CD96: variants seen among roughly 807,000 people sequenced by gnomAD.
The protein encoded by CD96 is T-cell surface protein tactile.
In CD96, 70 loss-of-function variants were observed where a neutral mutation model predicts 71.3. That is an observed-to-expected ratio of 0.98 (90% CI 0.81 to 1.20). The LOEUF (loss-of-function observed/expected upper bound fraction) is 1.20, where lower values mean the gene tolerates loss of function less well. CD96 is among the 50% of genes most tolerant of loss of function. The probability of loss-of-function intolerance (pLI) is 0.00; values close to 1 mark genes in which losing one functional copy is unlikely to be tolerated. For missense variants in CD96, 742 were observed against 677.5 expected (o/e 1.10, Z -1.06); for synonymous variants, 248 against 233.0 (o/e 1.06, Z -0.59).
chr3:111,619,517 C>A (rs1313798948), intron 8 of CD96, among the ~76,000 whole-genome samples: 4 of 152,178 alleles, frequency 2.6e-5, no homozygotes, highest in Non-Finnish European at 2.9e-5. Flanking sequence ...AATCAGCAAA[C>A]AAAGCCATCA....
At chr3:111,594,094 G>A in intron 5 of CD96, 8 of 1,614,182 alleles carry the variant, frequency 5.0e-6, no homozygotes, top group East Asian at 2.2e-5. Flanking sequence ...TCACAAAAGG[G>A]CCAACCAGTT....
chr3:111,591,700 G>T (rs948980181), intron 5 of CD96, among the ~76,000 whole-genome samples: 2 of 152,192 alleles, frequency 1.3e-5, no homozygotes, highest in Admixed American at 1.3e-4. Context: ...GGTAGAGAAG[G>T]TTCTAAAAGG....
At chr3:111,664,086 C>T (rs893404812) in intron 14 of CD96, among the ~76,000 whole-genome samples, 4 of 152,092 alleles carry the variant, frequency 2.6e-5, no homozygotes, top group East Asian at 1.9e-4. Context: ...AGTTAGTCAC[C>T]GTGGAAAGCA....
intron 3 of CD96, among the ~76,000 whole-genome samples, chr3:111,569,171 G>C (rs112241920): frequency 6.6e-6 from 1 of 151,930 alleles, no homozygotes; most frequent in Non-Finnish European, 1.5e-5. Flanking sequence ...ACATTTCCTT[G>C]GGTTTGTGCC....
At chr3:111,649,071 C>T (rs1426544957) in intron 13 of CD96, among the ~76,000 whole-genome samples, 2 of 152,176 alleles carry the variant, frequency 1.3e-5, no homozygotes, top group African/African-American at 4.8e-5. Context: ...CTACCCTATC[C>T]CCGCAGTACA....
At chr3:111,596,179 A>C (rs1351182131) in intron 5 of CD96, among the ~76,000 whole-genome samples, 1 of 151,908 alleles carries the variant, frequency 6.6e-6, no homozygotes, top group African/African-American at 2.4e-5. Flanking sequence ...TAAATAAATA[A>C]AATGAATAAA....
chr3:111,581,068 T>C (rs1936441713), intron 4 of CD96, among the ~76,000 whole-genome samples: 1 of 152,230 alleles, frequency 6.6e-6, no homozygotes, highest in South Asian at 2.1e-4. Context: ...TATCTTGATC[T>C]TAAATGTTTT....
intron 8 of CD96, among the ~76,000 whole-genome samples, chr3:111,615,974 A>C (rs1559758385): frequency 6.6e-6 from 1 of 152,072 alleles, no homozygotes; most frequent in Admixed American, 6.5e-5. Context: ...ATCTACATGG[A>C]TCACACCCTC....
chr3:111,622,721 A>G (rs967279970), intron 8 of CD96, among the ~76,000 whole-genome samples: 1 of 152,250 alleles, frequency 6.6e-6, no homozygotes, highest in African/African-American at 2.4e-5. Context: ...TTACACAATT[A>G]TACAGCATTC....
chr3:111,664,846 G>C (rs1940443879), intron 14 of CD96, among the ~76,000 whole-genome samples: 1 of 152,136 alleles, frequency 6.6e-6, no homozygotes, highest in African/African-American at 2.4e-5. Context: ...TGGTATGAAA[G>C]ACATTTATTA....
At chr3:111,593,956 G>A (rs994076265) in intron 5 of CD96, 3 of 1,614,092 alleles carry the variant, frequency 1.9e-6, no homozygotes, top group Admixed American at 3.3e-5. Context: ...TCACCTGCCT[G>A]CCACACAGGC....
At chr3:111,580,851 T>A (rs1486698388) in intron 4 of CD96, among the ~76,000 whole-genome samples, 1 of 152,216 alleles carries the variant, frequency 6.6e-6, no homozygotes, top group Non-Finnish European at 1.5e-5. Context: ...AGGCTGTGAC[T>A]GTCTTAGTGC....
chr3:111,606,578 C>A (rs1937630554), intron 7 of CD96, 122 bp from the exon 8 acceptor site: 6 of 690,570 alleles, frequency 8.7e-6, no homozygotes, highest in Middle Eastern at 7.0e-4. Context: ...CTTAATAGGG[C>A]CCCAATATTG....
chr3:111,618,033 A>G lies in CD96; in HGVS notation c.1181-5721A>G, dbSNP rs960769646. ...ACATCTGGTCCAGCAGCAGCATCAC[A>G]CAGAGTCGGCACCCATGCTGGAGCC... On this transcript the variant is annotated intron_variant, in intron 8 of 13. Transcript: ENST00000352690. Among the ~76,000 whole-genome samples, 7 of 152,212 alleles carry G rather than the reference A, an allele frequency of 4.6e-5. 1 individual carries two copies. The highest frequency in any genetic ancestry group is 4.6e-4 in the Admixed American group (7 of 15,282).
At chr3:111,569,179 G>A (rs1008877652) in intron 3 of CD96, among the ~76,000 whole-genome samples, 3 of 152,054 alleles carry the variant, frequency 2.0e-5, no homozygotes, top group Admixed American at 6.6e-5. Flanking sequence ...TTGGGTTTGT[G>A]CCAAACCCAA....
chr3:111,630,121 C>T (rs1222342829), intron 10 of CD96, among the ~76,000 whole-genome samples: 1 of 152,044 alleles, frequency 6.6e-6, no homozygotes, highest in African/African-American at 2.4e-5. Flanking sequence ...CAGGAGCAAA[C>T]AAACCCCAAA....
chr3:111,550,302 C>A (rs989445734), intron 2 of CD96, among the ~76,000 whole-genome samples: 3 of 151,886 alleles, frequency 2.0e-5, no homozygotes, highest in African/African-American at 7.3e-5. Context: ...GAGTGGGAGG[C>A]AAGGAAATGG....
At chr3:111,563,897 G>A (rs192547612) in intron 2 of CD96, among the ~76,000 whole-genome samples, 88 of 152,192 alleles carry the variant, frequency 5.8e-4, no homozygotes, top group African/African-American at 2.1e-3. Context: ...GAGTTCTTGT[G>A]TAACTCTAAC....
chr3:111,570,674 C>T, intron 3 of CD96: 1 of 1,611,514 alleles, frequency 6.2e-7, no homozygotes, highest in Non-Finnish European at 8.5e-7. Flanking sequence ...AGCATTTGCC[C>T]TGGTAGGAAT....
Sources: allele counts gnomAD v4.1 joint callset (sites outside exome capture counted in the v4.1 genomes callset), GRCh38; gene constraint gnomAD v4.1.1; transcripts MANE v1.5; gene names NCBI Gene and HGNC (gene_info 2026-07-23, HGNC 2026-07-21).